Variants in VPS35L observed in about 807,000 individuals in gnomAD.
VPS35L encodes VPS35 endosomal protein sorting factor like.
Under a neutral mutation model 133.0 loss-of-function variants are expected in VPS35L, and 83 were observed. That is an observed-to-expected ratio of 0.62 (90% CI 0.52 to 0.75). The LOEUF is 0.75. Ranked by LOEUF, VPS35L falls within the 30% of genes least tolerant of loss-of-function variation. VPS35L has a pLI of 0.00. For missense variants in VPS35L, 1,083 were observed against 1,206.8 expected (o/e 0.90, Z 1.52); for synonymous variants, 423 against 449.9 (o/e 0.94, Z 0.76).
At chr16:19,586,259 T>C (rs1336017802) in intron 7 of VPS35L, among the ~76,000 whole-genome samples, 4 of 152,168 alleles carry the variant, frequency 2.6e-5, no homozygotes. Context: ...TAGGATCTCC[T>C]ACTCTGTGGC....
intron 12 of VPS35L, among the ~76,000 whole-genome samples, chr16:19,612,826 C>T (rs1161862652): frequency 6.6e-6 from 1 of 152,062 alleles, no homozygotes; most frequent in African/African-American, 2.4e-5. Context: ...TATAAAGTGC[C>T]TTTGAATGGC....
chr16:19,578,757 C>T (rs1971615850), intron 5 of VPS35L: 2 of 405,178 alleles, frequency 4.9e-6, no homozygotes, highest in South Asian at 5.2e-5. Flanking sequence ...TCTGGACTGC[C>T]TTTCTTTAGG....
intron 18 of VPS35L, among the ~76,000 whole-genome samples, chr16:19,632,351 C>G (rs1973483370): frequency 2.0e-5 from 3 of 152,130 alleles, no homozygotes; most frequent in Admixed American, 1.3e-4. Flanking sequence ...TTGTTGAAAT[C>G]TGGTTGAAAA....
chr16:19,672,116 AT>A (rs1390683774), intron 27 of VPS35L, among the ~76,000 whole-genome samples: 1 of 151,444 alleles, frequency 6.6e-6, no homozygotes, highest in Non-Finnish European at 1.5e-5. Flanking sequence ...CGCCTGGCTA[AT>A]TTTTTTTTAA....
chr16:19,615,013 T>C (rs538748186), intron 12 of VPS35L, among the ~76,000 whole-genome samples: 2 of 152,368 alleles, frequency 1.3e-5, no homozygotes, highest in East Asian at 3.9e-4. Flanking sequence ...TTATGTCTGC[T>C]CTTATCTCTG....
intron 8 of VPS35L, among the ~76,000 whole-genome samples, chr16:19,598,845 A>G (rs1269745709): frequency 6.6e-6 from 1 of 152,064 alleles, no homozygotes; most frequent in Non-Finnish European, 1.5e-5. Context: ...AAAGAAAGCT[A>G]GTTTTAGAGG....
chr16:19,641,528 A>G (rs1973788533), intron 21 of VPS35L, among the ~76,000 whole-genome samples: 1 of 152,206 alleles, frequency 6.6e-6, no homozygotes, highest in Non-Finnish European at 1.5e-5. Context: ...TCACTTTGGA[A>G]AATTGAGTTT....
intron 27 of VPS35L, among the ~76,000 whole-genome samples, chr16:19,680,821 A>C (rs1975245236): frequency 6.6e-6 from 1 of 151,956 alleles, no homozygotes; most frequent in South Asian, 2.1e-4. Flanking sequence ...GAGGTGGAAG[A>C]TCGCTTGAGC....
At chr16:19,649,492 A>T (rs918609077) in intron 24 of VPS35L, among the ~76,000 whole-genome samples, 2 of 152,258 alleles carry the variant, frequency 1.3e-5, no homozygotes, top group African/African-American at 2.4e-5. Flanking sequence ...CAAATATATG[A>T]TGTGGCTATA....
chr16:19,675,152 T>C (rs1975020684), intron 27 of VPS35L, among the ~76,000 whole-genome samples: 1 of 152,064 alleles, frequency 6.6e-6, no homozygotes, highest in Non-Finnish European at 1.5e-5. Context: ...GGTCTCACTA[T>C]TTTTCCCAGG....
chr16:19,686,383 G>A (rs1364632175), intron 28 of VPS35L, among the ~76,000 whole-genome samples: 2 of 152,194 alleles, frequency 1.3e-5, no homozygotes, highest in Admixed American at 6.5e-5. Context: ...GCTTTTACAC[G>A]AGGTTACAAG....
At chr16:19,560,163 C>G (rs903488540) in intron 1 of VPS35L, among the ~76,000 whole-genome samples, 1 of 152,234 alleles carries the variant, frequency 6.6e-6, no homozygotes, top group African/African-American at 2.4e-5. Flanking sequence ...GTTGCTCTCA[C>G]TTTCGACAAG....
intron 26 of VPS35L, among the ~76,000 whole-genome samples, chr16:19,654,311 ACTTG>A (rs1167939576): frequency 1.3e-5 from 2 of 151,986 alleles, no homozygotes; most frequent in South Asian, 2.1e-4. Context: ...GTGTTTGTTT[ACTTG>A]CTTATTGTCT....
chr16:19,624,398 C>G (rs1973193539), intron 14 of VPS35L, among the ~76,000 whole-genome samples: 1 of 151,934 alleles, frequency 6.6e-6, no homozygotes, highest in African/African-American at 2.4e-5. Context: ...GCCTGGCTAA[C>G]AGGGTGAAAC....
chr16:19,594,662 AAAAAAAAAAG>A (rs1567408385), intron 8 of VPS35L, among the ~76,000 whole-genome samples: 2 of 149,768 alleles, frequency 1.3e-5, no homozygotes, highest in Non-Finnish European at 3.0e-5. Flanking sequence ...AAAAAAAAAA[AAAAAAAAAAG>A]AAGAGAAAAA....
chr16:19,687,693 G>A (rs1463984637), intron 28 of VPS35L, among the ~76,000 whole-genome samples: 2 of 152,062 alleles, frequency 1.3e-5, no homozygotes, highest in Non-Finnish European at 2.9e-5. Context: ...CAATATGCCT[G>A]CAACCTGCTT....
At chr16:19,625,996 A>C (rs1234157130) in intron 14 of VPS35L, among the ~76,000 whole-genome samples, 181 bp from the exon 15 acceptor site, 1 of 151,908 alleles carries the variant, frequency 6.6e-6, no homozygotes, top group Non-Finnish European at 1.5e-5. Flanking sequence ...TTATTACACT[A>C]AATGCCATGA....
chr16:19,559,913 C>T (rs2151496729), intron 1 of VPS35L, among the ~76,000 whole-genome samples: 1 of 152,212 alleles, frequency 6.6e-6, no homozygotes, highest in South Asian at 2.1e-4. Context: ...GTCTCGAACT[C>T]CTGACCTCAG....
intron 29 of VPS35L, among the ~76,000 whole-genome samples, chr16:19,697,840 C>T (rs751997225): frequency 2.0e-5 from 3 of 152,182 alleles, no homozygotes; most frequent in African/African-American, 7.2e-5. Flanking sequence ...GCTGTGAGTA[C>T]GAGCACAGGC....
Sources: allele counts gnomAD v4.1 joint callset (sites outside exome capture counted in the v4.1 genomes callset), GRCh38; gene constraint gnomAD v4.1.1; transcripts MANE v1.5; gene names NCBI Gene and HGNC (gene_info 2026-07-23, HGNC 2026-07-21).